Variants in ARHGEF3 observed in about 807,000 individuals in gnomAD.
The protein encoded by ARHGEF3 is 59.8 kDA protein.
A neutral mutation model predicts 63.2 loss-of-function variants in ARHGEF3; 28 were observed. That is an observed-to-expected ratio of 0.44 (90% confidence interval 0.33 to 0.61). ARHGEF3 has a LOEUF of 0.61. Ranked by LOEUF, ARHGEF3 falls within the 20% of genes least tolerant of loss-of-function variation. The probability of loss-of-function intolerance (pLI) is 0.03; values close to 1 mark genes in which losing one functional copy is unlikely to be tolerated. For missense variants in ARHGEF3, 533 were observed against 659.3 expected (o/e 0.81, Z 2.10); for synonymous variants, 266 against 254.2 (o/e 1.05, Z -0.44).
At chr3:56,886,344 T>G (rs1478644324) in intron 3 of ARHGEF3, among the ~76,000 whole-genome samples, 2 of 152,156 alleles carry the variant, frequency 1.3e-5, no homozygotes. Flanking sequence ...TCCCTTTGCT[T>G]GTCTTCTTCA....
intron 4 of ARHGEF3, among the ~76,000 whole-genome samples, chr3:56,851,260 C>T (rs1383233389): frequency 2.0e-5 from 3 of 152,168 alleles, no homozygotes; most frequent in Non-Finnish European, 4.4e-5. Flanking sequence ...CCTCCTAGCA[C>T]TGTGGATTCA....
intron 2 of ARHGEF3, among the ~76,000 whole-genome samples, chr3:56,995,904 T>C (rs1042968494): frequency 6.6e-6 from 1 of 152,112 alleles, no homozygotes; most frequent in African/African-American, 2.4e-5. Flanking sequence ...CAGGACCGGA[T>C]AACATATTAA....
intron 2 of ARHGEF3, among the ~76,000 whole-genome samples, chr3:56,981,684 C>T (rs949685204): frequency 2.0e-5 from 3 of 152,168 alleles, no homozygotes; most frequent in African/African-American, 4.8e-5. Flanking sequence ...AGCTGACCAC[C>T]CTCATTTAGG....
At chr3:56,984,946 T>G (rs569971404) in intron 2 of ARHGEF3, among the ~76,000 whole-genome samples, 14 of 152,322 alleles carry the variant, frequency 9.2e-5, no homozygotes, top group African/African-American at 2.9e-4. Context: ...TCAGTTACCC[T>G]TCCAGATACT....
intron 3 of ARHGEF3, among the ~76,000 whole-genome samples, chr3:56,939,049 T>C (rs944468222): frequency 3.7e-4 from 57 of 152,140 alleles, no homozygotes; most frequent in Non-Finnish European, 7.2e-4. Flanking sequence ...GATTTGGGCA[T>C]TTAAAGGGGG....
intron 3 of ARHGEF3, among the ~76,000 whole-genome samples, chr3:56,894,367 G>A (rs966811613): frequency 6.6e-5 from 10 of 152,208 alleles, no homozygotes; most frequent in African/African-American, 2.4e-4. Context: ...AAACTAAATA[G>A]TGAAATTAAT....
At chr3:56,938,920 A>T (rs1699038675) in intron 3 of ARHGEF3, 1 of 152,284 alleles carries the variant, frequency 6.6e-6, no homozygotes, top group Non-Finnish European at 1.5e-5. Context: ...TGCGAAGCCC[A>T]GGACTCAGGT....
intron 2 of ARHGEF3, among the ~76,000 whole-genome samples, chr3:57,018,936 A>G (rs73088069): frequency 0.18 from 26,914 of 152,140 alleles, 2,744 homozygotes; most frequent in East Asian, 0.39. Context: ...CAGCATCTGT[A>G]TTCTTTCCAT....
intron 2 of ARHGEF3, among the ~76,000 whole-genome samples, chr3:57,019,395 C>G (rs1004302536): frequency 2.0e-5 from 3 of 151,972 alleles, no homozygotes; most frequent in Non-Finnish European, 4.4e-5. Context: ...AAGAAAGTCA[C>G]AGTCTTTCTC....
chr3:57,049,311 G>A (rs112486098), intron 1 of ARHGEF3, among the ~76,000 whole-genome samples: 15 of 152,314 alleles, frequency 9.8e-5, no homozygotes, highest in African/African-American at 3.1e-4. Flanking sequence ...CGAGGTTGCC[G>A]TAGGCTATGA....
At chr3:56,773,668 C>G (rs757612065) in intron 2 of ARHGEF3, 41 bp downstream of exon 2, 1 of 1,498,092 alleles carries the variant, frequency 6.7e-7, no homozygotes, top group Non-Finnish European at 9.0e-7. Context: ...TCCCGTACAC[C>G]ATGATTTTCT....
intron 2 of ARHGEF3, among the ~76,000 whole-genome samples, chr3:56,965,802 C>T (rs1700470790): frequency 6.6e-6 from 1 of 151,962 alleles, no homozygotes; most frequent in East Asian, 1.9e-4. Context: ...GCACCTGCCA[C>T]CACGCTTGGC....
chr3:56,942,308 T>A (rs1007522998), intron 3 of ARHGEF3, among the ~76,000 whole-genome samples: 1 of 152,242 alleles, frequency 6.6e-6, no homozygotes, highest in Non-Finnish European at 1.5e-5. Flanking sequence ...AATTTGCATC[T>A]CTGCATCACA....
At chr3:56,796,962 C>G (rs2037399890) in intron 1 of ARHGEF3, among the ~76,000 whole-genome samples, 1 of 152,148 alleles carries the variant, frequency 6.6e-6, no homozygotes, top group African/African-American at 2.4e-5. Flanking sequence ...TGGTGATCAT[C>G]ATGTTTCTTA....
chr3:56,738,067 C>T (rs796524815), intron 7 of ARHGEF3, among the ~76,000 whole-genome samples: 20 of 152,038 alleles, frequency 1.3e-4, no homozygotes, highest in African/African-American at 4.6e-4. Flanking sequence ...TGTTTTGAGA[C>T]GGAGTCTCAC....
rs1351746814 is a variant in ARHGEF3, at chr3:56,921,929, T to C, written c.129+36894A>G. On this transcript the variant is annotated intron_variant, in intron 3 of 12. Transcript: ENST00000338458. ...CTCAACGATTGCTAGTCATGGCTAA[T>C]CTTGAGTGCTTATCTTACTGGTTTT... Among the ~76,000 whole-genome samples, 32 of 152,256 alleles carry C rather than the reference T, an allele frequency of 2.1e-4. 1 individual carries two copies. Among genetic ancestry groups the C allele is most frequent in the Admixed American group, 2.1e-3 (32 of 15,288 alleles).
chr3:56,775,923 A>T (rs999111440), intron 1 of ARHGEF3, among the ~76,000 whole-genome samples: 24 of 152,208 alleles, frequency 1.6e-4, no homozygotes, highest in Non-Finnish European at 8.8e-5. Context: ...GAGGTGACAA[A>T]GATTCCCTGA....
At chr3:56,742,350 T>G (rs2034091207) in intron 7 of ARHGEF3, among the ~76,000 whole-genome samples, 1 of 152,198 alleles carries the variant, frequency 6.6e-6, no homozygotes. Flanking sequence ...AGAAAAATTT[T>G]TATCAACCCT....
In ARHGEF3 at chr3:57,010,434, T is replaced by C. The variant is rs543262064; in HGVS notation, c.62+24654A>G. On this transcript the variant is annotated intron_variant, in intron 2 of 12. Coordinates refer to the ARHGEF3 transcript ENST00000338458. ...TCGCACCACTGCACTCCAGCCTGGG[T>C]GACAGAACGAGACTCCATCTCAAAA... Among the ~76,000 whole-genome samples, 21 of 134,672 alleles carry C rather than the reference T, an allele frequency of 1.6e-4. 1 individual carries two copies. In the South Asian group the frequency reaches 2.3e-3, roughly 15 times the overall value. 88.4% of individuals were successfully genotyped at this position (134,672 alleles called of 152,430 possible).
Sources: allele counts gnomAD v4.1 joint callset (sites outside exome capture counted in the v4.1 genomes callset), GRCh38; gene constraint gnomAD v4.1.1; transcripts MANE v1.5; gene names NCBI Gene and HGNC (gene_info 2026-07-23, HGNC 2026-07-21).